Variants in BRAT1 observed in about 807,000 individuals in gnomAD.
BRAT1 encodes the protein integrator complex assembly factor BRAT1.
BRAT1 carries 74 observed loss-of-function variants against 70.6 expected under a neutral mutation model. The ratio of observed to expected loss-of-function variants is 1.05; its 90% CI spans 0.87 to 1.27. The LOEUF is 1.27. Among genes scored for constraint, BRAT1 ranks in the 50% most tolerant of loss-of-function variants. The pLI is 0.00. For synonymous variants in BRAT1, 615 were observed against 517.1 expected (o/e 1.19, Z -2.57); for missense variants, 1,203 against 1,098.2 (o/e 1.10, Z -1.35).
chr7:2,539,054 G>A (rs1192772601), intron 13 of BRAT1, 125 bp downstream of exon 13: 14 of 1,462,316 alleles, frequency 9.6e-6, no homozygotes, highest in Admixed American at 2.4e-5. Flanking sequence ...AGTCACTGCT[G>A]CAGGCGCTGC....
At chr7:2,548,258 T>TG (rs1296395891) in intron 2 of BRAT1, among the ~76,000 whole-genome samples, 1 of 151,846 alleles carries the variant, frequency 6.6e-6, no homozygotes, top group African/African-American at 2.4e-5. Flanking sequence ...AAAGCACCAG[T>TG]GGGGGAAAAA....
Position 2,539,624 on chromosome 7 carries a change from T to A in BRAT1, c.1517A>T (p.Gln506Leu), listed in dbSNP as rs766270301. 4 of 1,594,916 alleles carry A rather than the reference T, an allele frequency of 2.5e-6. No individual in the cohort carries two copies. In the African/African-American group the frequency reaches 5.4e-5, roughly 21 times the overall value. ...QFLRELFPVL[Q>L]KRLCHPCWEV... is the part of the protein sequence containing the mutation. ...CCAGCAGGGGTGGCACAGGCGTTTC[T>A]GCAGCACAGGGAACAGCTCTAGGGT... The change falls in exon 12 of 14, where the codon CAG (glutamine) becomes CTG (leucine). Residue 506 changes from glutamine (Q) to leucine (L), a missense_variant. Physicochemically the swap from Gln to Leu is moderately radical, Grantham distance 113. Transcript: ENST00000340611.
chr7:2,546,275 T>C (rs1489535263), intron 3 of BRAT1, among the ~76,000 whole-genome samples: 2 of 152,008 alleles, frequency 1.3e-5, no homozygotes, highest in Middle Eastern at 3.4e-3. Context: ...ACCCCATCTC[T>C]ACCAAAGATA....
intron 1 of BRAT1, among the ~76,000 whole-genome samples, 185 bp downstream of exon 1, chr7:2,555,302 C>A (rs947963581): frequency 5.9e-5 from 9 of 152,010 alleles, no homozygotes; most frequent in African/African-American, 2.2e-4. Flanking sequence ...TGGCCGCGAG[C>A]GCCAGGCCCG....
At chr7:2,542,714 G>A (rs1779272486) in intron 6 of BRAT1, 1 of 178,472 alleles carries the variant, frequency 5.6e-6, no homozygotes, top group Non-Finnish European at 1.2e-5. Context: ...TGGGCCCTGT[G>A]GGCAGCAGGT....
At chr7:2,545,470 A>G (rs1434134448) in intron 3 of BRAT1, among the ~76,000 whole-genome samples, 2 of 145,426 alleles carry the variant, frequency 1.4e-5, no homozygotes. Context: ...GCTGGTGGAG[A>G]TACTTCTGGA....
At chr7:2,546,937 C>T (rs950303391) in intron 3 of BRAT1, among the ~76,000 whole-genome samples, 6 of 151,388 alleles carry the variant, frequency 4.0e-5, no homozygotes, top group Non-Finnish European at 8.9e-5. Context: ...CAGGAAGAGA[C>T]GGGGGCCACG....
chr7:2,549,293 T>C (rs1162170458), intron 2 of BRAT1, among the ~76,000 whole-genome samples: 2 of 152,038 alleles, frequency 1.3e-5, no homozygotes, highest in African/African-American at 4.8e-5. Context: ...TAAGACCAGC[T>C]TGGGCAACAC....
At position 2,543,702 on chromosome 7, in the gene BRAT1, G is replaced by T. The variant is rs927890052; in HGVS notation, c.691C>A (p.Pro231Thr). 6 of 1,578,124 alleles carry T rather than the reference G, an allele frequency of 3.8e-6. No individual in the cohort carries two copies. Among genetic ancestry groups the T allele is most frequent in the Non-Finnish European group, 5.2e-6 (6 of 1,156,290 alleles). The change falls in exon 5 of 14, where the codon CCC (proline) becomes ACC (threonine). Residue 231 changes from proline to threonine, a missense_variant. By Grantham distance (38) the Pro-to-Thr change is conservative. Transcript: ENST00000340611. The surrounding 1 kb of genome is among the most constrained non-coding windows in gnomAD (Gnocchi z 5.5). ...CGCACCCACAGGGCTTCCGTCCAGGGGCTCTGGCAGCGCCCGAAGGTCGTG... is the reference window on the plus strand; with the variant it reads ...CGCACCCACAGGGCTTCCGTCCAGGTGCTCTGGCAGCGCCCGAAGGTCGTG... ...LTTTFGRCQS[P>T]WTEALWVRLS...
At chr7:2,547,544 C>T in intron 2 of BRAT1, 66 bp from the exon 3 acceptor site, 1 of 1,550,298 alleles carries the variant, frequency 6.5e-7, no homozygotes, top group African/African-American at 1.4e-5. Flanking sequence ...TGGATGACCG[C>T]TCTTCTCCTA....
At position 2,539,808 on chromosome 7, in the gene BRAT1, G is replaced by A; in HGVS notation, c.1476C>T (p.Pro492=). The A allele has an allele frequency of 2.5e-6, 4 of 1,612,114 alleles. No homozygotes were observed. The highest frequency in any genetic ancestry group is 2.5e-6 in the Non-Finnish European group (3 of 1,179,228). Residue 492 remains proline (P), a synonymous_variant, in exon 11 of 14, where the codon CCC becomes CCT. Coordinates refer to ENST00000340611, the MANE Select transcript of BRAT1 (RefSeq NM_152743.4). The stretch of plus-strand genomic sequence containing the variant: ...TACCTCTGAGGAACTGCGGGATGAG[G>A]GGGCCGAGATCAGAGCAGCCGGGGG... The part of the protein sequence containing the change: ...PKTPGCSDLG[P]LIPQFLRELF...
rs1414844239 is a variant in BRAT1 at position 2,543,748 on chromosome 7, A to G, written c.645T>C (p.Thr215=). 1 of 1,603,016 alleles carries G rather than the reference A, an allele frequency of 6.2e-7. No homozygotes were observed. Among genetic ancestry groups the G allele is most frequent in the Admixed American group, 1.7e-5 (1 of 59,610 alleles). Residue 215 remains threonine, a synonymous_variant, in exon 5 of 14, where the codon ACT becomes ACC. Coordinates refer to ENST00000340611, the MANE Select transcript of BRAT1 (RefSeq NM_152743.4). The surrounding 1 kb of genome is among the most constrained non-coding windows in gnomAD (Gnocchi z 5.5). ...SLCSAATPKV[T]QALNVLTTTF... is the part of the protein sequence containing the mutation. Reference sequence around the variant, plus strand: ...TCGTGGTCAGGACGTTCAGGGCCTGAGTGACCTTGGGGGTGGCCGCGGAGC... The same window carrying G: ...TCGTGGTCAGGACGTTCAGGGCCTGGGTGACCTTGGGGGTGGCCGCGGAGC...
rs1299149956 is a variant in BRAT1, at chr7:2,544,992, ACGGCCCAGGTTGCT to A, written c.333_346del (p.Ala112ProfsTer74). 1.3e-6 allele frequency: 2 copies of A among 1,567,028 alleles called. No individual in the cohort carries two copies. The highest frequency in any genetic ancestry group is 8.7e-7 in the Non-Finnish European group (1 of 1,155,820). On this transcript the variant is annotated frameshift_variant, in exon 4 of 14. Transcript: ENST00000340611. LOFTEE classifies it high-confidence loss of function. ...GATCCAGCCGCTGCGCACGGTGGGGACGGCCCAGGTTGCTCGGCCGAGGGGTCCTGGCTCCCCAA... is the reference window on the plus strand; with the variant it reads ...GATCCAGCCGCTGCGCACGGTGGGGACGGCCGAGGGGTCCTGGCTCCCCAA...
rs1779696549 is a variant in BRAT1, at chr7:2,547,432, C to A, written c.174G>T (p.Leu58=). The A allele has an allele frequency of 2.5e-6, 4 of 1,614,008 alleles. No individual in the cohort carries two copies. The highest frequency in any genetic ancestry group is 1.1e-5 in the South Asian group (1 of 91,094). The stretch of plus-strand genomic sequence containing the variant: ...CCTGGACTTTCAGCACATGGGACAG[C>A]AGCTCCACCAGGCAGGGGTGCTCCT... ...LLQEHPCLVE[L]LSHVLKVQDL... Residue 58 remains leucine (L), a synonymous_variant, in exon 3 of 14, where the codon CTG becomes CTT. Transcript: ENST00000340611.
intron 2 of BRAT1, among the ~76,000 whole-genome samples, chr7:2,550,662 T>C (rs1779941750): frequency 6.7e-6 from 1 of 149,152 alleles, no homozygotes; most frequent in African/African-American, 2.5e-5. Flanking sequence ...AATGAACGAG[T>C]GTGGAAACTA....
intron 4 of BRAT1, among the ~76,000 whole-genome samples, chr7:2,544,647 C>G (rs898556672): frequency 1.3e-5 from 2 of 152,206 alleles, no homozygotes; most frequent in African/African-American, 2.4e-5. Flanking sequence ...ACTATAGCCA[C>G]GCATCACCAC....
intron 3 of BRAT1, among the ~76,000 whole-genome samples, chr7:2,546,988 A>G (rs543958223): frequency 3.3e-5 from 5 of 151,552 alleles, no homozygotes; most frequent in South Asian, 2.1e-4. Flanking sequence ...GAAGAGACGG[A>G]GGCCACGGCG....
intron 10 of BRAT1, 24 bp downstream of exon 10, chr7:2,540,955 C>G: frequency 2.0e-6 from 3 of 1,512,622 alleles, no homozygotes; most frequent in Non-Finnish European, 1.8e-6. Context: ...CTCCTCTCCT[C>G]GCTCTCTATC....
At chr7:2,544,200 G>GTTGTTT (rs1430991888) in intron 4 of BRAT1, 15 of 108,678 alleles carry the variant, frequency 1.4e-4, no homozygotes, top group African/African-American at 5.3e-4. Context: ...CCTTCTTGTT[G>GTTGTTT]TTTTTTTTTT....
Sources: allele counts gnomAD v4.1 joint callset (sites outside exome capture counted in the v4.1 genomes callset), GRCh38; gene constraint gnomAD v4.1.1; non-coding constraint Gnocchi (gnomAD v3.1); transcripts MANE v1.5; gene names NCBI Gene and HGNC (gene_info 2026-07-23, HGNC 2026-07-21).